Variants in ANKS1B observed in about 807,000 individuals in gnomAD.
ANKS1B encodes the protein ankyrin repeat and sterile alpha motif domain containing 1B, also known as ankyrin repeat and sterile alpha motif domain-containing protein 1B.
A neutral mutation model predicts 148.3 loss-of-function variants in ANKS1B; 36 were observed. The observed-to-expected ratio is 0.24, with a 90% confidence interval of 0.19 to 0.32. The LOEUF is 0.32. Among genes scored for constraint, ANKS1B ranks in the 10% least tolerant of loss-of-function variants. The pLI is 1.00. For missense variants in ANKS1B, 1,157 were observed against 1,542.6 expected (o/e 0.75, Z 4.19); for synonymous variants, 542 against 560.8 (o/e 0.97, Z 0.47).
At chr12:98,740,442 G>T (rs565362221), downstream of ANKS1B, among the ~76,000 whole-genome samples, 9 of 152,302 alleles carry the variant, frequency 5.9e-5, no homozygotes, top group Admixed American at 3.3e-4. Context: ...GGAGCTTGCT[G>T]GACAGCACAG....
intron 17 of ANKS1B, among the ~76,000 whole-genome samples, chr12:98,922,606 C>G (rs1300940909): frequency 2.6e-5 from 4 of 152,150 alleles, no homozygotes; most frequent in Non-Finnish European, 5.9e-5. Flanking sequence ...TCAAGCGATT[C>G]TCCTGCCTCA....
intron 8 of ANKS1B, among the ~76,000 whole-genome samples, chr12:99,704,704 G>T (rs959959305): frequency 1.3e-5 from 2 of 151,960 alleles, no homozygotes; most frequent in Non-Finnish European, 2.9e-5. Flanking sequence ...TCCCAAGCCA[G>T]GTCAAGAAAG....
At chr12:99,616,465 A>G (rs1306795984) in intron 9 of ANKS1B, among the ~76,000 whole-genome samples, 1 of 152,196 alleles carries the variant, frequency 6.6e-6, no homozygotes, top group African/African-American at 2.4e-5. Context: ...GGAACAGAAC[A>G]GAGGCCTCAG....
intron 10 of ANKS1B, among the ~76,000 whole-genome samples, chr12:99,494,163 G>A (rs1485680651): frequency 6.6e-6 from 1 of 152,132 alleles, no homozygotes; most frequent in African/African-American, 2.4e-5. Flanking sequence ...AAAAAGTGAG[G>A]ATCGAGAAAT....
At chr12:98,968,047 A>T (rs1466104977) in intron 17 of ANKS1B, among the ~76,000 whole-genome samples, 1 of 152,176 alleles carries the variant, frequency 6.6e-6, no homozygotes, top group Non-Finnish European at 1.5e-5. Context: ...GGTGGAAGAC[A>T]GGGAAAGTAC....
chr12:99,155,334 T>C (rs1414524065), intron 14 of ANKS1B, among the ~76,000 whole-genome samples: 1 of 152,186 alleles, frequency 6.6e-6, no homozygotes, highest in Non-Finnish European at 1.5e-5. Flanking sequence ...CCGAGATATA[T>C]ATTTTTTTCT....
intron 8 of ANKS1B, among the ~76,000 whole-genome samples, chr12:99,753,648 T>C (rs10860509): frequency 0.44 from 66,270 of 151,732 alleles, 14,878 homozygotes; most frequent in South Asian, 0.61. Flanking sequence ...CTTATTTCTC[T>C]TTTGCCTATG....
chr12:98,858,504 G>C (rs1229009125), intron 17 of ANKS1B, among the ~76,000 whole-genome samples: 1 of 152,094 alleles, frequency 6.6e-6, no homozygotes, highest in Non-Finnish European at 1.5e-5. Context: ...TACCATGCCT[G>C]GCTGTTTGTA....
At chr12:99,411,999 G>A (rs901738495) in intron 11 of ANKS1B, among the ~76,000 whole-genome samples, 1 of 152,170 alleles carries the variant, frequency 6.6e-6, no homozygotes, top group African/African-American at 2.4e-5. Flanking sequence ...GAACAAATAA[G>A]ATAAGGCACA....
chr12:99,916,025 CAG>C (rs908748571), intron 1 of ANKS1B, among the ~76,000 whole-genome samples: 2 of 152,148 alleles, frequency 1.3e-5, no homozygotes, highest in Non-Finnish European at 2.9e-5. Context: ...CAACCTACCC[CAG>C]TATGATCTCA....
intron 16 of ANKS1B, among the ~76,000 whole-genome samples, chr12:99,060,717 A>C (rs1255545196): frequency 2.0e-5 from 3 of 150,124 alleles, no homozygotes; most frequent in African/African-American, 7.4e-5. Context: ...ATAGAGAGAG[A>C]GAGCCTGTCA....
intron 1 of ANKS1B, among the ~76,000 whole-genome samples, chr12:99,941,044 C>G (rs777550504): frequency 4.9e-4 from 75 of 152,074 alleles, no homozygotes; most frequent in Non-Finnish European, 9.7e-4. Flanking sequence ...TGAGACTATA[C>G]TTTTTCAATG....
At chr12:98,847,645 G>T (rs1028831901) in intron 17 of ANKS1B, among the ~76,000 whole-genome samples, 1 of 152,076 alleles carries the variant, frequency 6.6e-6, no homozygotes, top group Non-Finnish European at 1.5e-5. Flanking sequence ...ACCCAGGCTG[G>T]AGTGCAGTGG....
At chr12:99,181,304 AAT>A (rs540577984) in intron 14 of ANKS1B, among the ~76,000 whole-genome samples, 50 of 152,032 alleles carry the variant, frequency 3.3e-4, no homozygotes, top group Non-Finnish European at 6.2e-4. Flanking sequence ...AATTTCTCAT[AAT>A]ATGTTTTTCT....
At chr12:98,819,210 G>A (rs2099165378) in intron 19 of ANKS1B, among the ~76,000 whole-genome samples, 1 of 152,214 alleles carries the variant, frequency 6.6e-6, no homozygotes, top group South Asian at 2.1e-4. Flanking sequence ...TCTGGAAAAG[G>A]ATAATGTAAA....
At chr12:99,341,120 C>T (rs531311517) in intron 12 of ANKS1B, 3 of 152,108 alleles carry the variant, frequency 2.0e-5, no homozygotes, top group East Asian at 3.9e-4. Context: ...ATTGTCTTAC[C>T]TTGATTTGTC....
intron 10 of ANKS1B, among the ~76,000 whole-genome samples, chr12:99,452,483 C>T (rs1442891739): frequency 6.6e-6 from 1 of 152,124 alleles, no homozygotes; most frequent in Non-Finnish European, 1.5e-5. Context: ...GTCCTTTGTA[C>T]ACAGCAACTG....
At chr12:98,779,283 T>G (rs1254672399) in intron 24 of ANKS1B, among the ~76,000 whole-genome samples, 3 of 152,182 alleles carry the variant, frequency 2.0e-5, no homozygotes, top group Non-Finnish European at 4.4e-5. Context: ...CATCAACTTC[T>G]GTGTCTCTTG....
intron 12 of ANKS1B, among the ~76,000 whole-genome samples, chr12:99,256,352 A>G (rs952511825): frequency 4.6e-5 from 7 of 152,212 alleles, no homozygotes; most frequent in Middle Eastern, 3.4e-3. Context: ...TTTACATTCA[A>G]TTACTTCTTC....
Sources: allele counts gnomAD v4.1 joint callset (sites outside exome capture counted in the v4.1 genomes callset), GRCh38; gene constraint gnomAD v4.1.1; transcripts MANE v1.5; gene names NCBI Gene and HGNC (gene_info 2026-07-23, HGNC 2026-07-21).